The following KANSL1L variants were observed in gnomAD, a reference collection of about 807,000 sequenced individuals.
The protein encoded by KANSL1L is KAT8 regulatory NSL complex subunit 1 like.
KANSL1L carries 25 observed loss-of-function variants against 108.6 expected under a neutral mutation model. The ratio of observed to expected loss-of-function variants is 0.23; its 90% CI spans 0.17 to 0.32. The LOEUF is 0.32. Ranked by LOEUF, KANSL1L falls within the 10% of genes least tolerant of loss-of-function variation. KANSL1L has a pLI of 1.00. For synonymous variants in KANSL1L, 405 were observed against 395.1 expected (o/e 1.03, Z -0.30); for missense variants, 1,137 against 1,125.7 (o/e 1.01, Z -0.14).
chr2:210,122,874 AG>A (rs2095033971), intron 3 of KANSL1L, among the ~76,000 whole-genome samples: 1 of 152,112 alleles, frequency 6.6e-6, no homozygotes, highest in Non-Finnish European at 1.5e-5. Context: ...ATTGAAAAAT[AG>A]GGAAAACATA....
intron 6 of KANSL1L, among the ~76,000 whole-genome samples, chr2:210,057,224 A>G (rs1007722462): frequency 1.3e-5 from 2 of 152,178 alleles, no homozygotes; most frequent in African/African-American, 4.8e-5. Context: ...CAACATGGTG[A>G]AATCCCATCT....
At chr2:210,131,846 T>C (rs1443275925) in intron 2 of KANSL1L, among the ~76,000 whole-genome samples, 7 of 151,880 alleles carry the variant, frequency 4.6e-5, no homozygotes, top group African/African-American at 7.3e-5. Flanking sequence ...ATTACAGGCA[T>C]GTACCACCAC....
In KANSL1L at chr2:210,151,207, G is replaced by C. The variant is rs183479181; in HGVS notation, c.1088+2288C>G. Among the ~76,000 whole-genome samples the C allele has an allele frequency of 5.5e-4, 83 of 152,202 alleles. 1 individual carries two copies. The highest frequency in any genetic ancestry group is 1.8e-3 in the African/African-American group (74 of 41,540). ...ATTTTTGTATTATATTTTTTGTATA[G>C]ATGAGGTTTTGCCATGTTGCCCAGG... On this transcript the variant is annotated intron_variant, in intron 2 of 14. Coordinates refer to ENST00000281772, the MANE Select transcript of KANSL1L (RefSeq NM_152519.4).
At chr2:210,066,731 T>C (rs2094469783) in intron 6 of KANSL1L, among the ~76,000 whole-genome samples, 1 of 152,214 alleles carries the variant, frequency 6.6e-6, no homozygotes, top group South Asian at 2.1e-4. Flanking sequence ...ATCTTTGTTG[T>C]TTTATCAGTA....
At chr2:210,163,718 T>A (rs2095372925) in intron 1 of KANSL1L, among the ~76,000 whole-genome samples, 1 of 152,144 alleles carries the variant, frequency 6.6e-6, no homozygotes, top group African/African-American at 2.4e-5. Context: ...TTATATTACA[T>A]GAAATTTTAT....
chr2:210,058,451 A>G (rs2094381081), intron 6 of KANSL1L, among the ~76,000 whole-genome samples: 2 of 152,036 alleles, frequency 1.3e-5, no homozygotes, highest in Admixed American at 1.3e-4. Flanking sequence ...TTGCCTTGTG[A>G]TATCTTATTA....
chr2:210,043,997 T>G lies in KANSL1L; in HGVS notation c.1863A>C (p.Leu621Phe), dbSNP rs1372052911. 3 of 1,609,004 alleles carry G rather than the reference T, an allele frequency of 1.9e-6. No homozygotes were observed. Among genetic ancestry groups the G allele is most frequent in the Admixed American group, 1.7e-5 (1 of 59,318 alleles). ...SYEHNSESYLLREHVSELDSS... is the reference protein window; with the variant it reads ...SYEHNSESYLFREHVSELDSS... ...AATCTAACTCTGATACATGTTCTCT[T>G]AATAGGTAAGACTCCGAATTGTGTT... The change falls in exon 7 of 15, where the codon TTA becomes TTC. Residue 621 changes from leucine (L) to phenylalanine (F), a missense_variant. Leu to Phe is a conservative substitution (Grantham distance 22). Around this residue, in one of 3 missense-constraint regions of KANSL1L, gnomAD observed 575 missense variants for 567.1 expected, o/e 1.01. Transcript: ENST00000281772.
chr2:210,071,634 T>G lies in KANSL1L; in HGVS notation c.1755+3918A>C, dbSNP rs992830735. On this transcript the variant is annotated intron_variant, in intron 6 of 14. Coordinates refer to ENST00000281772, the MANE Select transcript of KANSL1L (RefSeq NM_152519.4). ...TAGGGCCCACCCTGATTACTTCATC[T>G]TAACTAATTGCATCTTTAATGACCC... Among the ~76,000 whole-genome samples the G allele has an allele frequency of 4.6e-5, 7 of 152,178 alleles. No homozygotes were observed. The South Asian group carries it at 1.5e-3, about 32-fold the overall frequency.
Position 210,153,599 on chromosome 2 carries a change from A to C in KANSL1L, c.984T>G (p.Ala328=). 1 of 1,614,022 alleles carries C rather than the reference A, an allele frequency of 6.2e-7. No homozygotes were observed. The highest frequency in any genetic ancestry group is 8.5e-7 in the Non-Finnish European group (1 of 1,179,982). The change falls in exon 2 of 15, where the codon GCT becomes GCG. Residue 328 remains alanine (A), a synonymous_variant. Coordinates refer to ENST00000281772, the MANE Select transcript of KANSL1L (RefSeq NM_152519.4). Reference sequence around the variant, plus strand: ...CTTCAACATGAGACAACAGCCCTGTAGCAGAAAATGCAAATCTTTGGATTT... The same window carrying C: ...CTTCAACATGAGACAACAGCCCTGTCGCAGAAAATGCAAATCTTTGGATTT... ...AAEIQRFAFS[A]TGLLSHVEEG... is the part of the protein sequence containing the mutation.
intron 2 of KANSL1L, chr2:210,151,919 T>C (rs1328768107): frequency 6.6e-6 from 1 of 152,248 alleles, no homozygotes; most frequent in Non-Finnish European, 1.5e-5. Flanking sequence ...ATAGTAAATA[T>C]CAATGTGTTT....
At chr2:210,031,166 G>A (rs1156730173) in intron 9 of KANSL1L, 1 of 339,088 alleles carries the variant, frequency 2.9e-6, no homozygotes, top group African/African-American at 2.2e-5. Context: ...TCCCATCCAG[G>A]GACTGATTGG....
At chr2:210,171,101 G>T in intron 1 of KANSL1L, 48 bp downstream of exon 1, 1 of 152,752 alleles carries the variant, frequency 6.5e-6, no homozygotes, top group South Asian at 2.0e-4. Context: ...GTCCCCAAGA[G>T]GGAAGACCCA....
In KANSL1L at chr2:210,075,711, T is replaced by A; in HGVS notation, c.1596A>T (p.Leu532Phe). Reference protein sequence around the residue: ...LDELSSSSSWLLNQKHSKKKR... With the variant: ...LDELSSSSSWFLNQKHSKKKR... ...TTTTCTTACTGTGCTTCTGGTTAAGTAACCAGCTACTGGAGGAAGACAGCT... is the reference window on the plus strand; with the variant it reads ...TTTTCTTACTGTGCTTCTGGTTAAGAAACCAGCTACTGGAGGAAGACAGCT... Residue 532 changes from leucine (L) to phenylalanine (F), a missense_variant, in exon 6 of 15, where the codon TTA becomes TTT. Physicochemically the swap from Leu to Phe is conservative, Grantham distance 22. Transcript: ENST00000281772. The A allele has an allele frequency of 6.2e-7, 1 of 1,614,032 alleles. No individual in the cohort carries two copies. Among genetic ancestry groups the A allele is most frequent in the Non-Finnish European group, 8.5e-7 (1 of 1,179,922 alleles).
In KANSL1L at chr2:210,075,783, G is replaced by A. The variant is rs745987892; in HGVS notation, c.1551-27C>T. ...TGAAATGCCATGAAATAATTAGGGCGTGGGAAGGGAATAAAACAAAACAAA... is the reference window on the plus strand; with the variant it reads ...TGAAATGCCATGAAATAATTAGGGCATGGGAAGGGAATAAAACAAAACAAA... On this transcript the variant is annotated intron_variant, in intron 5 of 14. Transcript: ENST00000281772. The A allele has an allele frequency of 4.6e-5, 71 of 1,529,390 alleles. 1 individual carries two copies. In the East Asian group the frequency reaches 1.1e-3, roughly 23 times the overall value. The allele number at this position is 1,529,390 out of a possible 1,614,324, so 94.7% of individuals were successfully genotyped here.
intron 5 of KANSL1L, among the ~76,000 whole-genome samples, chr2:210,086,779 A>G (rs1202282343): frequency 2.0e-5 from 3 of 152,074 alleles, no homozygotes; most frequent in Admixed American, 2.0e-4. Context: ...GCTAACCTTT[A>G]AAAATTAAAA....
chr2:210,124,739 C>A (rs938031880), intron 3 of KANSL1L, among the ~76,000 whole-genome samples: 1 of 151,714 alleles, frequency 6.6e-6, no homozygotes, highest in Admixed American at 6.6e-5. Context: ...TCAACAAAAT[C>A]GACAAACCTT....
chr2:210,070,118 T>C (rs1285063417), intron 6 of KANSL1L, among the ~76,000 whole-genome samples: 3 of 151,558 alleles, frequency 2.0e-5, no homozygotes, highest in African/African-American at 7.3e-5. Context: ...CGTGAGCCAC[T>C]GTGTCTGCTT....
chr2:210,034,951 CCTT>C (rs1219678894), intron 8 of KANSL1L, among the ~76,000 whole-genome samples: 3 of 152,200 alleles, frequency 2.0e-5, no homozygotes, highest in East Asian at 1.9e-4. Context: ...TGCTTTACCT[CCTT>C]CTTTCAGACC....
At chr2:210,165,789 A>C (rs1687920150) in intron 1 of KANSL1L, among the ~76,000 whole-genome samples, 1 of 152,234 alleles carries the variant, frequency 6.6e-6, no homozygotes, top group African/African-American at 2.4e-5. Context: ...GAAATTGTGT[A>C]ACAGTAGTCT....
Sources: allele counts gnomAD v4.1 joint callset (sites outside exome capture counted in the v4.1 genomes callset), GRCh38; gene constraint gnomAD v4.1.1; regional missense constraint gnomAD v4.1.1; transcripts MANE v1.5; gene names NCBI Gene and HGNC (gene_info 2026-07-23, HGNC 2026-07-21).